Variants in CADM2 observed in about 807,000 individuals in gnomAD.
CADM2 encodes the protein cell adhesion molecule 2.
A neutral mutation model predicts 49.8 loss-of-function variants in CADM2; 12 were observed. That is an observed-to-expected ratio of 0.24 (90% confidence interval 0.15 to 0.39). CADM2 has a LOEUF of 0.39. CADM2 is among the 10% of genes least tolerant of loss of function. CADM2 has a pLI of 1.00. For missense variants in CADM2, 378 were observed against 492.3 expected (o/e 0.77, Z 2.20); for synonymous variants, 214 against 175.4 (o/e 1.22, Z -1.74).
At chr3:85,838,038 C>T (rs956344566) in intron 3 of CADM2, among the ~76,000 whole-genome samples, 1 of 151,698 alleles carries the variant, frequency 6.6e-6, no homozygotes, top group Non-Finnish European at 1.5e-5. Context: ...TTTTGATTAT[C>T]TTCAATGTTT....
chr3:84,971,465 C>G (rs1302936284), intron 1 of CADM2, among the ~76,000 whole-genome samples: 1 of 152,052 alleles, frequency 6.6e-6, no homozygotes, highest in African/African-American at 2.4e-5. Context: ...TGAGGTAAAA[C>G]TAATGGTGTT....
intron 7 of CADM2, among the ~76,000 whole-genome samples, chr3:85,954,886 A>G (rs1407754996): frequency 6.6e-6 from 1 of 151,308 alleles, no homozygotes; most frequent in Non-Finnish European, 1.5e-5. Flanking sequence ...ATGTTTTTGT[A>G]ACTCCTATCA....
At chr3:85,830,800 T>C (rs2074148547) in intron 3 of CADM2, among the ~76,000 whole-genome samples, 1 of 72,868 alleles carries the variant, frequency 1.4e-5, no homozygotes, top group Admixed American at 1.2e-4. Flanking sequence ...TTGTGCATTT[T>C]ATTTATTTAT....
intron 3 of CADM2, among the ~76,000 whole-genome samples, chr3:85,836,164 A>C (rs2074400044): frequency 6.6e-6 from 1 of 151,550 alleles, no homozygotes. Context: ...TCACTTATTT[A>C]AAGAGCTTTC....
intron 1 of CADM2, among the ~76,000 whole-genome samples, chr3:85,633,062 G>T (rs980151482): frequency 6.6e-6 from 1 of 151,966 alleles, no homozygotes; most frequent in East Asian, 1.9e-4. Context: ...CGTACTATTT[G>T]TGAAGTCTAT....
intron 1 of CADM2, among the ~76,000 whole-genome samples, chr3:85,501,788 G>C (rs1244096183): frequency 6.6e-6 from 1 of 152,072 alleles, no homozygotes; most frequent in African/African-American, 2.4e-5. Context: ...CTACCAATGA[G>C]AACATGCTCT....
chr3:85,835,240 G>A (rs1201611526), intron 3 of CADM2, among the ~76,000 whole-genome samples: 1 of 150,708 alleles, frequency 6.6e-6, no homozygotes, highest in Non-Finnish European at 1.5e-5. Flanking sequence ...GACATATTTT[G>A]ATAGCTTTTA....
intron 2 of CADM2, among the ~76,000 whole-genome samples, chr3:85,768,624 C>T (rs2069805181): frequency 6.8e-6 from 1 of 147,636 alleles, no homozygotes; most frequent in Non-Finnish European, 1.5e-5. Context: ...ATTTACTTCC[C>T]AGTTTGAAAA....
chr3:85,330,739 T>C (rs1405733297), intron 1 of CADM2, among the ~76,000 whole-genome samples: 2 of 150,982 alleles, frequency 1.3e-5, no homozygotes, highest in African/African-American at 2.4e-5. Context: ...AGAGTGTGGC[T>C]TGAGGCCAGG....
chr3:85,838,658 T>C (rs2074506616), intron 3 of CADM2, among the ~76,000 whole-genome samples: 6 of 151,740 alleles, frequency 4.0e-5, no homozygotes, highest in Admixed American at 3.3e-4. Flanking sequence ...CTTAGTGAGT[T>C]TGATATGCAG....
At chr3:85,791,332 GA>G (rs2071310336) in intron 2 of CADM2, among the ~76,000 whole-genome samples, 1 of 152,136 alleles carries the variant, frequency 6.6e-6, no homozygotes, top group South Asian at 2.1e-4. Flanking sequence ...TTTCACATTA[GA>G]AGGTTATTTG....
chr3:85,267,592 A>G (rs1277794376), intron 1 of CADM2, among the ~76,000 whole-genome samples: 1 of 151,660 alleles, frequency 6.6e-6, no homozygotes, highest in Admixed American at 6.6e-5. Flanking sequence ...CACAAAATAG[A>G]AAGTAAGTTC....
At chr3:85,427,864 T>C (rs981079886) in intron 1 of CADM2, among the ~76,000 whole-genome samples, 1 of 152,084 alleles carries the variant, frequency 6.6e-6, no homozygotes, top group Non-Finnish European at 1.5e-5. Flanking sequence ...CATTTTTCAG[T>C]CCTTATACGT....
intron 1 of CADM2, among the ~76,000 whole-genome samples, chr3:85,277,791 T>G (rs549328633): frequency 6.6e-6 from 1 of 150,972 alleles, no homozygotes; most frequent in Non-Finnish European, 1.5e-5. Context: ...CAAACAATTC[T>G]TGATAAAATA....
chr3:85,735,078 T>C (rs2068081542), intron 2 of CADM2, among the ~76,000 whole-genome samples: 1 of 151,874 alleles, frequency 6.6e-6, no homozygotes. Flanking sequence ...ATCATTTCTT[T>C]ACCCAAAATT....
At chr3:85,748,714 T>A (rs1270762182) in intron 2 of CADM2, among the ~76,000 whole-genome samples, 1 of 152,130 alleles carries the variant, frequency 6.6e-6, no homozygotes, top group Non-Finnish European at 1.5e-5. Context: ...TGGTGGCCTG[T>A]ATTTGCCTCT....
intron 7 of CADM2, among the ~76,000 whole-genome samples, chr3:85,942,332 G>T (rs965749458): frequency 4.7e-5 from 7 of 149,256 alleles, no homozygotes; most frequent in Non-Finnish European, 7.4e-5. Flanking sequence ...GTTTTTTTTT[G>T]TTTGTTTGTT....
intron 1 of CADM2, among the ~76,000 whole-genome samples, chr3:85,307,247 G>A (rs527725815): frequency 8.6e-5 from 13 of 151,450 alleles, no homozygotes; most frequent in Admixed American, 2.0e-4. Context: ...AAAGCTTCAG[G>A]ATTTTGTGTT....
At chr3:85,215,951 G>A (rs907105776) in intron 1 of CADM2, among the ~76,000 whole-genome samples, 1 of 151,976 alleles carries the variant, frequency 6.6e-6, no homozygotes, top group South Asian at 2.1e-4. Flanking sequence ...GAGAATGAGG[G>A]AGGAGGAGGG....
Sources: gnomAD v4.1 joint callset for allele counts (sites outside exome capture counted in the v4.1 genomes callset) on GRCh38, gnomAD v4.1.1 for gene constraint, MANE v1.5 for transcripts, NCBI Gene and HGNC (gene_info 2026-07-23, HGNC 2026-07-21) for gene names.